Variants in PIK3C2G observed in about 807,000 individuals in gnomAD.
PIK3C2G encodes the protein phosphatidylinositol 3-kinase C2 domain-containing subunit gamma.
In PIK3C2G, 168 loss-of-function variants were observed where a neutral mutation model predicts 181.1. The ratio of observed to expected loss-of-function variants is 0.93; its 90% CI spans 0.82 to 1.05. The LOEUF (loss-of-function observed/expected upper bound fraction) is 1.05. PIK3C2G is among the 50% of genes least tolerant of loss of function. The pLI is 0.00. For missense variants in PIK3C2G, 1,869 were observed against 1,732.8 expected (o/e 1.08, Z -1.40); for synonymous variants, 573 against 592.2 (o/e 0.97, Z 0.47).
chr12:18,723,501 T>C, the PIK3C2G span: 1 of 1,612,850 alleles, frequency 6.2e-7, no homozygotes, highest in South Asian at 1.1e-5. Flanking sequence ...TTGCTCTAAA[T>C]TCTTCTATGG....
At chr12:18,683,491 G>A in the PIK3C2G span, 5 of 1,481,984 alleles carry the variant, frequency 3.4e-6, no homozygotes, top group East Asian at 1.2e-4. Flanking sequence ...TTAAATATTT[G>A]CATTTTCTAT....
In PIK3C2G at chr12:18,270,526, A is replaced by C. The variant is rs1304361218; in HGVS notation, c.-79+8949A>C. The stretch of plus-strand genomic sequence containing the variant: ...TTTCCAGGAAAATATGCAGTGTCTT[A>C]GTTCCCAAGTGAGGTAAAACTTATC... On this transcript the variant is annotated intron_variant, in intron 1 of 32. Transcript: ENST00000538779. 2.6e-5 allele frequency among the ~76,000 whole-genome samples: 4 copies of C among 152,294 alleles called. No homozygotes were observed. In the East Asian group the frequency reaches 7.7e-4, roughly 29 times the overall value.
rs1224517294 is a variant in PIK3C2G at position 18,566,950 on chromosome 12, T to G, written c.3904T>G (p.Phe1302Val). Reference protein sequence around the residue: ...KQFASLTLPEFPHWWHLPFTN... With the variant: ...KQFASLTLPEVPHWWHLPFTN... ...TAACTTTTTTTTCTCTTAAAACAGGTTTCCTCATTGGTGGCACCTACCTTT... is the reference window on the plus strand; with the variant it reads ...TAACTTTTTTTTCTCTTAAAACAGGGTTCCTCATTGGTGGCACCTACCTTT... The change falls in exon 29 of 33, where the codon TTT becomes GTT. Residue 1302 changes from phenylalanine (F) to valine (V), a missense_variant and splice_region_variant. Physicochemically the swap from Phe to Val is conservative, Grantham distance 50. Transcript: ENST00000538779. 2 of 1,548,310 alleles carry G rather than the reference T, an allele frequency of 1.3e-6. No homozygotes were observed. The highest frequency in any genetic ancestry group is 2.7e-5 in the African/African-American group (2 of 73,378).
At chr12:18,441,804 G>A (rs1286314154) in intron 18 of PIK3C2G, among the ~76,000 whole-genome samples, 2 of 152,052 alleles carry the variant, frequency 1.3e-5, no homozygotes, top group South Asian at 2.1e-4. Context: ...ATAAAAGTAG[G>A]GGTACAATGT....
intron 29 of PIK3C2G, among the ~76,000 whole-genome samples, chr12:18,582,477 C>T (rs1021913586): frequency 1.3e-5 from 2 of 152,266 alleles, no homozygotes; most frequent in East Asian, 1.9e-4. Context: ...CTAAGACACA[C>T]GTGAAGCACC....
intron 28 of PIK3C2G, among the ~76,000 whole-genome samples, chr12:18,564,547 GA>G (rs558968309): frequency 8.1e-5 from 12 of 147,684 alleles, no homozygotes; most frequent in African/African-American, 2.5e-4. Context: ...TCACATTCAT[GA>G]AAAAAAAAAC....
At chr12:18,524,243 A>G (rs1405752573) in intron 24 of PIK3C2G, among the ~76,000 whole-genome samples, 1 of 152,208 alleles carries the variant, frequency 6.6e-6, no homozygotes, top group African/African-American at 2.4e-5. Context: ...CAGGGAAATT[A>G]TCTGTGGATG....
chr12:18,485,612 C>T (rs1410651752), intron 18 of PIK3C2G, among the ~76,000 whole-genome samples: 1 of 152,076 alleles, frequency 6.6e-6, no homozygotes, highest in Non-Finnish European at 1.5e-5. Context: ...CAAAATAATA[C>T]CAAATTGAAT....
At chr12:18,548,469 C>T (rs2136281774) in intron 26 of PIK3C2G, among the ~76,000 whole-genome samples, 1 of 152,124 alleles carries the variant, frequency 6.6e-6, no homozygotes, top group South Asian at 2.1e-4. Context: ...AGAATTCCAT[C>T]TCTCCCTATC....
intron 6 of PIK3C2G, 105 bp downstream of exon 6, chr12:18,314,169 A>ATTTAAAT: frequency 1.7e-6 from 1 of 605,898 alleles, no homozygotes; most frequent in East Asian, 2.8e-5. Flanking sequence ...AGCTTAATTA[A>ATTTAAAT]TACATGTTTA....
intron 1 of PIK3C2G, among the ~76,000 whole-genome samples, chr12:18,250,198 C>T (rs1948082130): frequency 6.6e-6 from 1 of 151,950 alleles, no homozygotes; most frequent in African/African-American, 2.4e-5. Flanking sequence ...ATTTTATGTA[C>T]TATATCTAGG....
At chr12:18,566,331 G>T (rs922330880) in intron 28 of PIK3C2G, among the ~76,000 whole-genome samples, 1 of 152,134 alleles carries the variant, frequency 6.6e-6, no homozygotes, top group African/African-American at 2.4e-5. Flanking sequence ...TCCTAAAAGG[G>T]TATACGTAGA....
intron 29 of PIK3C2G, among the ~76,000 whole-genome samples, chr12:18,586,615 A>C (rs1946794786): frequency 6.6e-6 from 1 of 152,164 alleles, no homozygotes; most frequent in Non-Finnish European, 1.5e-5. Flanking sequence ...GATCAGAAAG[A>C]TTCATAGCTG....
chr12:18,717,951 G>A, the PIK3C2G span, among the ~76,000 whole-genome samples: 22 of 152,204 alleles, frequency 1.4e-4, no homozygotes, highest in African/African-American at 5.1e-4. Context: ...TCCGTCGCAC[G>A]ATGTTGAGCA....
intron 18 of PIK3C2G, among the ~76,000 whole-genome samples, chr12:18,425,603 G>T (rs141267422): frequency 3.2e-4 from 48 of 152,040 alleles, no homozygotes; most frequent in African/African-American, 1.1e-3. Context: ...CATTGGCCAG[G>T]ATTGTCTTCA....
intron 30 of PIK3C2G, among the ~76,000 whole-genome samples, chr12:18,595,084 A>G (rs1228110102): frequency 6.6e-6 from 1 of 152,100 alleles, no homozygotes; most frequent in African/African-American, 2.4e-5. Flanking sequence ...TCGGCTACAT[A>G]TTAAATATAA....
intron 26 of PIK3C2G, among the ~76,000 whole-genome samples, chr12:18,557,433 G>A (rs1945070778): frequency 6.6e-6 from 1 of 151,932 alleles, no homozygotes; most frequent in African/African-American, 2.4e-5. Context: ...AATAGATACA[G>A]AAAGTGTAGT....
chr12:18,359,541 A>G (rs1941048815), intron 11 of PIK3C2G, among the ~76,000 whole-genome samples: 1 of 152,102 alleles, frequency 6.6e-6, no homozygotes. Context: ...GTCTAGTATT[A>G]TTGTATTGCT....
intron 15 of PIK3C2G, among the ~76,000 whole-genome samples, chr12:18,394,319 C>A (rs995045407): frequency 2.0e-5 from 3 of 152,010 alleles, no homozygotes; most frequent in African/African-American, 7.2e-5. Context: ...AGATCTGACC[C>A]CTGAAAAATA....
Sources: allele counts gnomAD v4.1 joint callset (sites outside exome capture counted in the v4.1 genomes callset), GRCh38; gene constraint gnomAD v4.1.1; transcripts MANE v1.5; gene names NCBI Gene and HGNC (gene_info 2026-07-23, HGNC 2026-07-21).